The following PIWIL3 variants were observed in gnomAD, a reference collection of about 807,000 sequenced individuals.
The protein encoded by PIWIL3 is piwi-like protein 3.
Under a neutral mutation model 109.7 loss-of-function variants are expected in PIWIL3, and 101 were observed. The ratio of observed to expected loss-of-function variants is 0.92; its 90% confidence interval spans 0.78 to 1.09. The LOEUF (loss-of-function observed/expected upper bound fraction) is 1.09, where lower values mean the gene tolerates loss of function less well. Among genes scored for constraint, PIWIL3 ranks in the 50% least tolerant of loss-of-function variants. PIWIL3 has a pLI of 0.00. For synonymous variants in PIWIL3, 373 were observed against 376.4 expected (o/e 0.99, Z 0.10); for missense variants, 1,031 against 1,072.6 (o/e 0.96, Z 0.54).
chr22:24,719,749 G>A lies in PIWIL3; in HGVS notation c.2504C>T (p.Pro835Leu). The A allele has an allele frequency of 6.2e-7, 1 of 1,610,472 alleles. No individual in the cohort carries two copies. Among genetic ancestry groups the A allele is most frequent in the Non-Finnish European group, 8.5e-7 (1 of 1,177,478 alleles). The change falls in exon 20 of 21, where the codon CCA becomes CTA. Residue 835 changes from proline to leucine, a missense_variant and splice_region_variant. Pro to Leu is a moderately conservative substitution (Grantham distance 98). Coordinates refer to ENST00000616349, the MANE Select transcript of PIWIL3 (RefSeq NM_001255975.1). ...AAAAAAGTAACAAAAAGTACTTACT[G>A]GCAAATTATAATACATGTGGCATAG... ...YCLCHMYYNL[P>L]GIIRVPAPCH...
chr22:24,756,414 A>C lies in PIWIL3; in HGVS notation c.570+77T>G, dbSNP rs1569108691. On this transcript the variant is annotated intron_variant, in intron 5 of 20. Coordinates refer to ENST00000616349, the MANE Select transcript of PIWIL3 (RefSeq NM_001255975.1). ...GATGTCTCAACAAACAACTGCACAA[A>C]AACAATAGGTGTTTTATTATAATAA... 3 of 1,396,454 alleles carry C rather than the reference A, an allele frequency of 2.1e-6. No homozygotes were observed. In the African/African-American group the frequency reaches 4.4e-5, roughly 20 times the overall value. The allele number at this position is 1,396,454 out of a possible 1,614,324, so 86.5% of individuals were successfully genotyped here. A position where few individuals can be genotyped will look rare whatever the true frequency, so the allele number is the denominator to read the frequency against.
intron 14 of PIWIL3, among the ~76,000 whole-genome samples, chr22:24,728,808 C>A (rs894002496): frequency 1.3e-5 from 2 of 152,088 alleles, no homozygotes; most frequent in Non-Finnish European, 2.9e-5. Context: ...GAACTTATCA[C>A]CATGTTGACA....
intron 12 of PIWIL3, among the ~76,000 whole-genome samples, chr22:24,737,713 C>T (rs1358590968): frequency 6.6e-6 from 1 of 152,076 alleles, no homozygotes; most frequent in Non-Finnish European, 1.5e-5. Flanking sequence ...AAGTGGAGCA[C>T]GCTGCCCTGA....
chr22:24,758,633 C>T (rs1283944524), intron 3 of PIWIL3, among the ~76,000 whole-genome samples: 4 of 152,172 alleles, frequency 2.6e-5, no homozygotes, highest in Admixed American at 6.5e-5. Flanking sequence ...CCTAAATGGC[C>T]AAGACGTCTG....
At chr22:24,773,517 T>A (rs1926246072) in intron 1 of PIWIL3, among the ~76,000 whole-genome samples, 1 of 152,070 alleles carries the variant, frequency 6.6e-6, no homozygotes, top group African/African-American at 2.4e-5. Flanking sequence ...ATCATCCCCA[T>A]CAACCACAGG....
rs1892722 is a variant in PIWIL3 at position 24,749,504 on chromosome 22, A to C, written c.1234T>G (p.Cys412Gly). Residue 412 changes from cysteine to glycine, a missense_variant, in exon 11 of 21, where the codon TGT (cysteine) becomes GGT (glycine). By Grantham distance (159) the Cys-to-Gly change is radical. Coordinates refer to ENST00000616349, the MANE Select transcript of PIWIL3 (RefSeq NM_001255975.1). ...TCTTTCACAATGCTATAATCTTTAC[A>C]TATTTCATCTGTTAGACCTTTAAAA... ...CHMTGLTDEI[C>G]KDYSIVKELA... 3 of 1,612,956 alleles carry C rather than the reference A, an allele frequency of 1.9e-6. No individual in the cohort carries two copies. The highest frequency in any genetic ancestry group is 2.7e-5 in the African/African-American group (2 of 74,926).
At chr22:24,720,472 C>T (rs1363368420) in intron 19 of PIWIL3, among the ~76,000 whole-genome samples, 4 of 151,842 alleles carry the variant, frequency 2.6e-5, no homozygotes, top group African/African-American at 7.3e-5. Flanking sequence ...GGGGTTTCAC[C>T]GTGTTAGCCA....
chr22:24,762,383 C>A lies in PIWIL3; in HGVS notation c.102+15G>T, dbSNP rs371385258. On this transcript the variant is annotated intron_variant, in intron 2 of 20. Coordinates refer to ENST00000616349, the MANE Select transcript of PIWIL3 (RefSeq NM_001255975.1). The stretch of plus-strand genomic sequence containing the variant: ...CATATCTCTTGCAGAAAGGAAACAA[C>A]GTTACAGGGCTCACTGTAGCTGATC... The A allele has an allele frequency of 1.9e-6, 3 of 1,605,206 alleles. No homozygotes were observed. Among genetic ancestry groups the A allele is most frequent in the East Asian group, 2.2e-5 (1 of 44,742 alleles).
intron 12 of PIWIL3, among the ~76,000 whole-genome samples, chr22:24,743,656 T>C (rs1032283532): frequency 6.6e-5 from 10 of 152,068 alleles, no homozygotes; most frequent in African/African-American, 2.4e-4. Context: ...GCAATGGACT[T>C]TGGGGACTGC....
chr22:24,758,023 T>C lies in PIWIL3; in HGVS notation c.240A>G (p.Gly80=), dbSNP rs1470853814. Residue 80 remains glycine (G), a synonymous_variant, in exon 4 of 21, where the codon GGA becomes GGG. Transcript: ENST00000616349. ...GAQSQGVKEP[G]PEAGLHTAPL... is the part of the protein sequence containing the mutation. ...GCGCTGTATGCAACCCAGCCTCAGG[T>C]CCAGGTTCCTTCACCCCTGCATAAA... is the stretch of plus-strand genomic sequence containing the variant. 6.2e-7 allele frequency: 1 copy of C among 1,612,096 alleles called. No individual in the cohort carries two copies. The highest frequency in any genetic ancestry group is 1.7e-5 in the Admixed American group (1 of 59,454).
intron 3 of PIWIL3, 131 bp from the exon 4 acceptor site, chr22:24,758,170 A>G (rs1925206395): frequency 8.9e-7 from 1 of 1,118,686 alleles, no homozygotes; most frequent in South Asian, 1.6e-5. Context: ...CATTTCCGTG[A>G]TATGTTGCCG....
chr22:24,749,911 A>T, intron 9 of PIWIL3, 92 bp from the exon 10 acceptor site: 1 of 1,558,540 alleles, frequency 6.4e-7, no homozygotes, highest in Non-Finnish European at 8.8e-7. Flanking sequence ...GGGACTACAA[A>T]TGAAGGGCCA....
At position 24,725,055 on chromosome 22, in the gene PIWIL3, A is replaced by G; in HGVS notation, c.2081-18T>C. 1 of 1,613,206 alleles carries G rather than the reference A, an allele frequency of 6.2e-7. No individual in the cohort carries two copies. Among genetic ancestry groups the G allele is most frequent in the South Asian group, 1.1e-5 (1 of 91,006 alleles). ...CAGGGCAGCTAAGAGGAAATCAGAA[A>G]AAGTAAATAAACCGTTACTTGGAAC... On this transcript the variant is annotated intron_variant, in intron 17 of 20. Coordinates refer to ENST00000616349, the MANE Select transcript of PIWIL3 (RefSeq NM_001255975.1).
intron 1 of PIWIL3, among the ~76,000 whole-genome samples, chr22:24,772,336 T>G (rs983941431): frequency 5.3e-5 from 8 of 152,172 alleles, no homozygotes; most frequent in Non-Finnish European, 8.8e-5. Flanking sequence ...AATAGCAACT[T>G]CTATGAGCAA....
intron 8 of PIWIL3, among the ~76,000 whole-genome samples, chr22:24,753,237 G>GATTC (rs1924815331): frequency 6.6e-6 from 1 of 152,182 alleles, no homozygotes; most frequent in Non-Finnish European, 1.5e-5. Context: ...AAGTCAAAAA[G>GATTC]ATTCAGTCCT....
At chr22:24,737,101 C>CA (rs1365903756) in intron 12 of PIWIL3, among the ~76,000 whole-genome samples, 3 of 152,222 alleles carry the variant, frequency 2.0e-5, no homozygotes, top group Non-Finnish European at 4.4e-5. Context: ...ACTGAGGCAC[C>CA]AGCCAGGGTA....
intron 14 of PIWIL3, among the ~76,000 whole-genome samples, 179 bp downstream of exon 14, chr22:24,733,905 C>T (rs1382743841): frequency 6.6e-6 from 1 of 152,064 alleles, no homozygotes; most frequent in South Asian, 2.1e-4. Context: ...AATTAGCATA[C>T]GATTGTGATA....
rs1033717134 is a variant in PIWIL3 at position 24,724,902 on chromosome 22, G to A, written c.2216C>T (p.Thr739Ile). 2.5e-6 allele frequency: 4 copies of A among 1,613,826 alleles called. No individual in the cohort carries two copies. The highest frequency in any genetic ancestry group is 3.4e-6 in the Non-Finnish European group (4 of 1,179,886). The change falls in exon 18 of 21, where the codon ACC becomes ATC. Residue 739 changes from threonine to isoleucine, a missense_variant. Physicochemically the swap from Thr to Ile is moderately conservative, Grantham distance 89. Coordinates refer to ENST00000616349, the MANE Select transcript of PIWIL3 (RefSeq NM_001255975.1). ...TACAACCTACTTGTTAGGAGAGATG[G>A]TTTTTAAGTAGGTCGACATCTTTTT... ...EAKKMSTYLK[T>I]ISPNNFTLAF...
At position 24,754,765 on chromosome 22, in the gene PIWIL3, T is replaced by A; in HGVS notation, c.773+19A>T. Reference sequence around the variant, plus strand: ...ACGTTTAAGTCTGCAGAGTGTGAAATTTTCTACTTTATACAAACCCATGAC... The same window carrying A: ...ACGTTTAAGTCTGCAGAGTGTGAAAATTTCTACTTTATACAAACCCATGAC... On this transcript the variant is annotated intron_variant, in intron 7 of 20. Transcript: ENST00000616349. 1 of 1,565,298 alleles carries A rather than the reference T, an allele frequency of 6.4e-7. No individual in the cohort carries two copies. The highest frequency in any genetic ancestry group is 8.8e-7 in the Non-Finnish European group (1 of 1,136,292).
Sources: allele counts gnomAD v4.1 joint callset (sites outside exome capture counted in the v4.1 genomes callset), GRCh38; gene constraint gnomAD v4.1.1; transcripts MANE v1.5; gene names NCBI Gene and HGNC (gene_info 2026-07-23, HGNC 2026-07-21).